SLC19A3: variants seen among roughly 807,000 people sequenced by gnomAD.
The protein encoded by SLC19A3 is solute carrier family 19 member 3, also known as thiamine transporter 2.
A neutral mutation model predicts 40.2 loss-of-function variants in SLC19A3; 31 were observed. The observed-to-expected ratio is 0.77, with a 90% confidence interval of 0.58 to 1.04. SLC19A3 has a LOEUF of 1.04. Among genes scored for constraint, SLC19A3 ranks in the 50% least tolerant of loss-of-function variants. The pLI is 0.00. For synonymous variants in SLC19A3, 212 were observed against 227.5 expected, an observed-to-expected ratio of 0.93 and a Z score of 0.61; for missense variants, 592 against 596.7, an observed-to-expected ratio of 0.99 and a Z score of 0.08.
At position 227,709,446 on chromosome 2, in the gene SLC19A3, T is replaced by G. The variant is rs181213592; in HGVS notation, c.-2-7126A>C. On this transcript the variant is annotated intron_variant, in intron 1 of 5. Coordinates refer to ENST00000644224, the MANE Select transcript of SLC19A3 (RefSeq NM_025243.4). ...GTTGCAAATGCCAAGATTGAGCAAA[T>G]GCACTCCAGCCTGGGTGACAGAGCG... 8.5e-5 allele frequency among the ~76,000 whole-genome samples: 13 copies of G among 152,196 alleles called. No individual in the cohort carries two copies. In the East Asian group the frequency reaches 2.5e-3, roughly 29 times the overall value.
intron 1 of SLC19A3, chr2:227,714,674 C>A: frequency 2.8e-6 from 2 of 710,256 alleles, no homozygotes; most frequent in Non-Finnish European, 3.4e-6. Flanking sequence ...CCACCCTCTT[C>A]TGCAGCCGAT....
At chr2:227,694,595 A>C (rs184999521) in intron 4 of SLC19A3, among the ~76,000 whole-genome samples, 2 of 151,882 alleles carry the variant, frequency 1.3e-5, no homozygotes, top group African/African-American at 4.8e-5. Context: ...AATGTTTCTC[A>C]TTTTTTTTGG....
rs1247360747 is a variant in SLC19A3, at chr2:227,688,299, A to G, written c.1181T>C (p.Ile394Thr). 1.9e-6 allele frequency: 3 copies of G among 1,613,916 alleles called. No individual in the cohort carries two copies. Among genetic ancestry groups the G allele is most frequent in the Non-Finnish European group, 2.5e-6 (3 of 1,179,796 alleles). The change falls in exon 5 of 6, where the codon ATT becomes ACT. Residue 394 changes from isoleucine to threonine, a missense_variant. Physicochemically the swap from Ile to Thr is moderately conservative, Grantham distance 89. Coordinates refer to ENST00000644224, the MANE Select transcript of SLC19A3 (RefSeq NM_025243.4). ...GCGTTCCACATTCAGATTAACTGCA[A>G]TCTGAAATCTATCATTAAACATAAA... ...MLLITIAVFQ[I>T]AVNLNVERYA...
chr2:227,712,346 GT>G (rs1165710528), intron 1 of SLC19A3, among the ~76,000 whole-genome samples: 1 of 150,182 alleles, frequency 6.7e-6, no homozygotes, highest in Non-Finnish European at 1.5e-5. Context: ...TAAAAGAATT[GT>G]CTCCAAAATA....
At chr2:227,700,268 G>A (rs887658474) in intron 2 of SLC19A3, among the ~76,000 whole-genome samples, 2 of 151,986 alleles carry the variant, frequency 1.3e-5, no homozygotes, top group African/African-American at 2.4e-5. Flanking sequence ...GCCAGGCATG[G>A]TGGCTCACAC....
intron 1 of SLC19A3, among the ~76,000 whole-genome samples, chr2:227,711,527 T>A (rs1188293174): frequency 6.6e-6 from 1 of 152,138 alleles, no homozygotes. Context: ...TGTAACTTCA[T>A]CTTACTTGAA....
At chr2:227,704,847 G>A (rs1194438206) in intron 1 of SLC19A3, among the ~76,000 whole-genome samples, 2 of 151,744 alleles carry the variant, frequency 1.3e-5, no homozygotes, top group Non-Finnish European at 2.9e-5. Flanking sequence ...ATATTGTGGT[G>A]TCAAGGAAAT....
At chr2:227,714,255 C>A (rs115771458) in intron 1 of SLC19A3, among the ~76,000 whole-genome samples, 3 of 152,086 alleles carry the variant, frequency 2.0e-5, no homozygotes, top group Non-Finnish European at 4.4e-5. Flanking sequence ...GCAAGGCCTC[C>A]GTATAATAGG....
intron 1 of SLC19A3, among the ~76,000 whole-genome samples, chr2:227,709,876 A>C (rs796938809): frequency 1.4e-4 from 22 of 152,242 alleles, no homozygotes; most frequent in African/African-American, 4.8e-4. Flanking sequence ...CAATAGTGGT[A>C]CCCAACCTTC....
intron 4 of SLC19A3, among the ~76,000 whole-genome samples, chr2:227,690,179 T>G (rs1695166917): frequency 6.6e-6 from 1 of 152,130 alleles, no homozygotes; most frequent in African/African-American, 2.4e-5. Context: ...GTTGAATGGA[T>G]TTTTAAAAAG....
rs535422770 is a variant in SLC19A3 at position 227,688,434 on chromosome 2, A to T, written c.1173-127T>A. 550 of 767,566 alleles carry T rather than the reference A, an allele frequency of 7.2e-4. 3 individuals carry two copies. The highest frequency in any genetic ancestry group is 5.0e-3 in the South Asian group (323 of 63,974). The allele number at this position is 767,566 out of a possible 1,614,324, so 47.5% of individuals were successfully genotyped here. A position where few individuals can be genotyped will look rare whatever the true frequency, so the allele number is the denominator to read the frequency against. On this transcript the variant is annotated intron_variant, in intron 4 of 5. Coordinates refer to ENST00000644224, the MANE Select transcript of SLC19A3 (RefSeq NM_025243.4). ...TCCAGCTCCAGGTAGTCCAGCAAAGAGAGAGAGAGACTGTCTGGAAGAAAG... is the reference window on the plus strand; with the variant it reads ...TCCAGCTCCAGGTAGTCCAGCAAAGTGAGAGAGAGACTGTCTGGAAGAAAG...
rs937926694 is a variant in SLC19A3, at chr2:227,703,918, T to C, written c.-2-1598A>G. ...TGCTAAAAGCCTGCTGGATTATCTA[T>C]CTTTTTATTTCTTTAGGTTTCTAAT... On this transcript the variant is annotated intron_variant, in intron 1 of 5. Transcript: ENST00000644224. The surrounding 1 kb of genome is among the most constrained non-coding windows in gnomAD (Gnocchi z 4.7). 1.3e-5 allele frequency among the ~76,000 whole-genome samples: 2 copies of C among 152,126 alleles called. No homozygotes were observed. Among genetic ancestry groups the C allele is most frequent in the African/African-American group, 4.8e-5 (2 of 41,416 alleles).
intron 1 of SLC19A3, among the ~76,000 whole-genome samples, chr2:227,708,567 A>T (rs892706358): frequency 2.7e-5 from 2 of 74,892 alleles, no homozygotes; most frequent in Non-Finnish European, 5.1e-5. Flanking sequence ...CTATCAAACA[A>T]ACAAACAAAC....
intron 2 of SLC19A3, among the ~76,000 whole-genome samples, chr2:227,700,508 A>T (rs1695644393): frequency 6.6e-6 from 1 of 152,138 alleles, no homozygotes; most frequent in Non-Finnish European, 1.5e-5. Context: ...ACTGTACTCC[A>T]GCCTGGGCAA....
At chr2:227,710,290 G>A (rs957776541) in intron 1 of SLC19A3, among the ~76,000 whole-genome samples, 2 of 152,130 alleles carry the variant, frequency 1.3e-5, no homozygotes, top group Non-Finnish European at 2.9e-5. Flanking sequence ...TGAGAAATGG[G>A]CTAGCCTGAT....
At chr2:227,688,352 A>G in intron 4 of SLC19A3, 45 bp from the exon 5 acceptor site, 1 of 1,585,176 alleles carries the variant, frequency 6.3e-7, no homozygotes, top group Non-Finnish European at 8.7e-7. Context: ...ATATACATGG[A>G]TGGAAGTCTT....
chr2:227,690,450 G>C (rs1695177962), intron 4 of SLC19A3, among the ~76,000 whole-genome samples: 1 of 152,060 alleles, frequency 6.6e-6, no homozygotes, highest in Non-Finnish European at 1.5e-5. Context: ...GCTCATGCCT[G>C]TAATCCCAGC....
chr2:227,706,117 CTG>C (rs1695931041), intron 1 of SLC19A3, among the ~76,000 whole-genome samples: 1 of 152,104 alleles, frequency 6.6e-6, no homozygotes, highest in African/African-American at 2.4e-5. Flanking sequence ...TAGTAACCAC[CTG>C]TGCTGTTTGG....
chr2:227,711,878 C>T (rs1211166398), intron 1 of SLC19A3, among the ~76,000 whole-genome samples: 3 of 151,632 alleles, frequency 2.0e-5, no homozygotes, highest in Non-Finnish European at 4.4e-5. Context: ...GGCGAAACCC[C>T]GTCTCTACTA....
Sources: gnomAD v4.1 joint callset for allele counts (sites outside exome capture counted in the v4.1 genomes callset) on GRCh38, gnomAD v4.1.1 for gene constraint, Gnocchi (gnomAD v3.1) non-coding constraint, MANE v1.5 for transcripts, NCBI Gene and HGNC (gene_info 2026-07-23, HGNC 2026-07-21) for gene names.